The following INPP5D variants were observed in gnomAD, a reference collection of about 807,000 sequenced individuals.
INPP5D encodes inositol polyphosphate-5-phosphatase D, also known as phosphatidylinositol 3,4,5-trisphosphate 5-phosphatase 1.
Under a neutral mutation model 122.9 loss-of-function variants are expected in INPP5D, and 33 were observed. The observed-to-expected ratio is 0.27, with a 90% CI of 0.20 to 0.36. The LOEUF is 0.36. INPP5D is among the 10% of genes least tolerant of loss of function. The pLI is 1.00. For synonymous variants in INPP5D, 584 were observed against 576.2 expected (o/e 1.01, Z -0.19); for missense variants, 1,053 against 1,412.7 (o/e 0.75, Z 4.08).
rs986415884 is a variant in INPP5D, at chr2:233,105,069, G to A, written c.199-17038G>A. 1.6e-4 allele frequency among the ~76,000 whole-genome samples: 25 copies of A among 152,204 alleles called. No individual in the cohort carries two copies. Among genetic ancestry groups the A allele is most frequent in the Non-Finnish European group, 1.9e-4 (13 of 68,032 alleles). On this transcript the variant is annotated intron_variant, in intron 2 of 26. Coordinates refer to ENST00000445964, the MANE Select transcript of INPP5D (RefSeq NM_001017915.3). This position sits in a 1 kb window ranked among gnomAD's most constrained non-coding sequence, Gnocchi z 4.0. ...ATTGGCTGTCTTGGGTAGGGATAGG[G>A]AATGTGGACCTCCCGGGTTTCTCCT...
At chr2:233,166,313 C>T (rs935380565) in intron 13 of INPP5D, among the ~76,000 whole-genome samples, 2 of 152,244 alleles carry the variant, frequency 1.3e-5, no homozygotes, top group African/African-American at 4.8e-5. Context: ...ATCCTGGCCT[C>T]AGGGCTGGGC....
chr2:233,169,726 C>A lies in INPP5D; in HGVS notation c.1653-300C>A, dbSNP rs866940793. On this transcript the variant is annotated intron_variant, in intron 14 of 26. Transcript: ENST00000445964. ...CCAAGCTGATCTTGCCTAGCTGGGG[C>A]CCAGGAATGAAGACAGCCATCTAGA... 28 of 579,452 alleles carry A rather than the reference C, an allele frequency of 4.8e-5. No individual in the cohort carries two copies. The Admixed American group carries it at 5.2e-4, about 11-fold the overall frequency. The allele number at this position is 579,452 out of a possible 1,614,324, so 35.9% of individuals were successfully genotyped here.
At chr2:233,079,216 G>A (rs890505987) in intron 1 of INPP5D, 119 bp from the exon 2 acceptor site, 19 of 693,932 alleles carry the variant, frequency 2.7e-5, no homozygotes, top group Middle Eastern at 4.9e-4. Context: ...GGTCAGCTCC[G>A]AAATTCGGAG....
chr2:233,177,458 G>A lies in INPP5D; in HGVS notation c.2071+112G>A. 1.3e-6 allele frequency: 2 copies of A among 1,563,260 alleles called. No individual in the cohort carries two copies. The highest frequency in any genetic ancestry group is 8.7e-7 in the Non-Finnish European group (1 of 1,144,334). The stretch of plus-strand genomic sequence containing the variant: ...CAGTCTGTTGATGTGTCAAAGGGAG[G>A]AATTCACTGTAACCCTAATCAGGCG... On this transcript the variant is annotated intron_variant, in intron 18 of 26. Transcript: ENST00000445964. The surrounding 1 kb of genome is among the most constrained non-coding windows in gnomAD (Gnocchi z 4.2).
Position 233,206,636 on chromosome 2 carries a change from C to A in INPP5D, c.3568-70C>A, listed in dbSNP as rs899717862. On this transcript the variant is annotated intron_variant, in intron 26 of 26. Transcript: ENST00000445964. The surrounding 1 kb of genome is among the most constrained non-coding windows in gnomAD (Gnocchi z 4.0). ...TGGCCTAGCCCACAGCATGCAGGGA[C>A]CTGGGCCACTTAGTTCAACATGGCC... 6.7e-6 allele frequency: 5 copies of A among 741,730 alleles called. No homozygotes were observed. The highest frequency in any genetic ancestry group is 1.3e-5 in the Non-Finnish European group (5 of 398,308). 45.9% of individuals were successfully genotyped at this position (741,730 alleles called of 1,614,324 possible).
rs1453961373 is a variant in INPP5D at position 233,082,698 on chromosome 2, C to T, written c.198+3300C>T. ...CAATCAGGGAGAGGAGCTGCCTCAC[C>T]TGGGGGACTCTTTTCTCTCACTCCA... On this transcript the variant is annotated intron_variant, in intron 2 of 26. Coordinates refer to ENST00000445964, the MANE Select transcript of INPP5D (RefSeq NM_001017915.3). This position sits in a 1 kb window ranked among gnomAD's most constrained non-coding sequence, Gnocchi z 4.7. 6.6e-6 allele frequency among the ~76,000 whole-genome samples: 1 copy of T among 152,188 alleles called. No homozygotes were observed. Among genetic ancestry groups the T allele is most frequent in the African/African-American group, 2.4e-5 (1 of 41,440 alleles).
chr2:233,099,554 C>T (rs967957868), intron 2 of INPP5D, among the ~76,000 whole-genome samples: 1 of 152,230 alleles, frequency 6.6e-6, no homozygotes, highest in Non-Finnish European at 1.5e-5. Context: ...AAATGAACCC[C>T]ATAAAATGCT....
chr2:233,129,551 C>T (rs985920823), intron 4 of INPP5D, among the ~76,000 whole-genome samples: 3 of 152,214 alleles, frequency 2.0e-5, no homozygotes, highest in Non-Finnish European at 2.9e-5. Flanking sequence ...GCACAGTGAA[C>T]AAATCCTGCC....
intron 1 of INPP5D, among the ~76,000 whole-genome samples, chr2:233,067,632 A>G (rs889496352): frequency 1.3e-5 from 2 of 152,210 alleles, no homozygotes; most frequent in East Asian, 3.9e-4. Context: ...TGGTGGATCC[A>G]CCATTTTGCA....
rs1317213688 is a variant in INPP5D at position 233,186,475 on chromosome 2, C to G, written c.2358+550C>G. On this transcript the variant is annotated intron_variant, in intron 21 of 26. Coordinates refer to ENST00000445964, the MANE Select transcript of INPP5D (RefSeq NM_001017915.3). ...TGGAATTGGAAACACTCAGCCAGAC[C>G]TTAGTGGGAACACATTCTTCTTTGC... Among the ~76,000 whole-genome samples, 4 of 151,948 alleles carry G rather than the reference C, an allele frequency of 2.6e-5. 1 individual carries two copies. In the East Asian group the frequency reaches 7.7e-4, roughly 29 times the overall value.
chr2:233,110,463 G>T (rs1447748643), intron 2 of INPP5D, among the ~76,000 whole-genome samples: 1 of 151,954 alleles, frequency 6.6e-6, no homozygotes, highest in Non-Finnish European at 1.5e-5. Flanking sequence ...GTGTCCCAAA[G>T]GGCTGAGATT....
At chr2:233,113,572 C>G (rs1692692221) in intron 2 of INPP5D, among the ~76,000 whole-genome samples, 1 of 152,124 alleles carries the variant, frequency 6.6e-6, no homozygotes, top group Non-Finnish European at 1.5e-5. Context: ...GCCTCAAAAG[C>G]TCTTCCCAAA....
intron 3 of INPP5D, among the ~76,000 whole-genome samples, chr2:233,123,885 G>A (rs552940836): frequency 1.3e-5 from 2 of 152,106 alleles, no homozygotes; most frequent in African/African-American, 2.4e-5. Flanking sequence ...CAAATACCAC[G>A]TGTTCTCACT....
chr2:233,153,907 C>T (rs143865234), intron 9 of INPP5D, among the ~76,000 whole-genome samples: 77,017 of 151,662 alleles, frequency 0.51, 20,164 homozygotes, highest in East Asian at 0.66. Flanking sequence ...GCCCCACCCT[C>T]CCTAGGCAGG....
intron 6 of INPP5D, chr2:233,141,278 A>G (rs1300430701): frequency 3.9e-5 from 6 of 152,212 alleles, no homozygotes; most frequent in African/African-American, 1.4e-4. Context: ...TGAAAATCAC[A>G]TAAACAGGCC....
chr2:233,148,902 G>A lies in INPP5D; in HGVS notation c.1030+1308G>A, dbSNP rs554031165. 2.6e-3 allele frequency among the ~76,000 whole-genome samples: 393 copies of A among 152,172 alleles called. 4 individuals are homozygous for A. The highest frequency in any genetic ancestry group is 9.0e-3 in the African/African-American group (375 of 41,492). On this transcript the variant is annotated intron_variant, in intron 9 of 26. Coordinates refer to ENST00000445964, the MANE Select transcript of INPP5D (RefSeq NM_001017915.3). ...AAGTTCATTTAGAGGGCATGGTTAA[G>A]GTTGCCACAATTAGCAGATAAAAAT...
At position 233,154,849 on chromosome 2, in the gene INPP5D, C is replaced by G. The variant is rs184222106; in HGVS notation, c.1031-3464C>G. 9.8e-5 allele frequency among the ~76,000 whole-genome samples: 15 copies of G among 152,308 alleles called. No individual in the cohort carries two copies. In the East Asian group the frequency reaches 1.5e-3, roughly 16 times the overall value. ...CTGGTCCTGTTAAGAATTCCTTCGC[C>G]TAGGCAAAACTTCTGATGGGCTTTT... On this transcript the variant is annotated intron_variant, in intron 9 of 26. Transcript: ENST00000445964.
At chr2:233,099,267 G>T (rs1456289192) in intron 2 of INPP5D, among the ~76,000 whole-genome samples, 1 of 152,128 alleles carries the variant, frequency 6.6e-6, no homozygotes, top group Non-Finnish European at 1.5e-5. Context: ...TGGAACTTTA[G>T]ATTGTTTTGT....
chr2:233,080,350 C>T (rs1384721399), intron 2 of INPP5D, among the ~76,000 whole-genome samples: 1 of 152,084 alleles, frequency 6.6e-6, no homozygotes, highest in Non-Finnish European at 1.5e-5. Flanking sequence ...GTGTGGAAGC[C>T]AGGAAAGCTA....
Sources: allele counts gnomAD v4.1 joint callset (sites outside exome capture counted in the v4.1 genomes callset), GRCh38; gene constraint gnomAD v4.1.1; non-coding constraint Gnocchi (gnomAD v3.1); transcripts MANE v1.5; gene names NCBI Gene and HGNC (gene_info 2026-07-23, HGNC 2026-07-21).